The following ASIC2 variants were observed in gnomAD, a reference collection of about 807,000 sequenced individuals.
ASIC2 encodes acid-sensing ion channel 2.
ASIC2 carries 25 observed loss-of-function variants against 57.3 expected under a neutral mutation model. The observed-to-expected ratio is 0.44, with a 90% CI of 0.32 to 0.61. The LOEUF (loss-of-function observed/expected upper bound fraction) is 0.61, where lower values mean the gene tolerates loss of function less well. Among genes scored for constraint, ASIC2 ranks in the 20% least tolerant of loss-of-function variants. The pLI, the probability that ASIC2 is intolerant of heterozygous loss-of-function variation, is 0.06. For synonymous variants in ASIC2, 319 were observed against 307.5 expected (o/e 1.04, Z -0.39); for missense variants, 641 against 738.1 (o/e 0.87, Z 1.52).
At chr17:33,046,301 C>CT (rs1372114938) in intron 3 of ASIC2, among the ~76,000 whole-genome samples, 3 of 152,074 alleles carry the variant, frequency 2.0e-5, no homozygotes, top group African/African-American at 7.2e-5. Flanking sequence ...TATTTCCTTG[C>CT]TTTTTTCAAT....
chr17:34,076,766 G>A (rs956282715), intron 1 of ASIC2, among the ~76,000 whole-genome samples: 2 of 152,200 alleles, frequency 1.3e-5, no homozygotes, highest in Non-Finnish European at 2.9e-5. Context: ...ACTCCATGAG[G>A]CTCAGAGCAA....
intron 1 of ASIC2, among the ~76,000 whole-genome samples, chr17:33,537,439 G>A (rs888866184): frequency 2.0e-5 from 3 of 152,168 alleles, no homozygotes; most frequent in African/African-American, 7.2e-5. Flanking sequence ...TGTTATGCAT[G>A]TGTTCACTTG....
chr17:33,183,478 A>C (rs1906067058), intron 1 of ASIC2, among the ~76,000 whole-genome samples: 1 of 152,228 alleles, frequency 6.6e-6, no homozygotes, highest in African/African-American at 2.4e-5. Flanking sequence ...TGATGCATGA[A>C]AAGAATGCTT....
At chr17:33,434,469 A>G (rs1320242800) in intron 1 of ASIC2, among the ~76,000 whole-genome samples, 1 of 152,228 alleles carries the variant, frequency 6.6e-6, no homozygotes. Flanking sequence ...CAAAAAAGGA[A>G]ATAGCTTATA....
intron 1 of ASIC2, among the ~76,000 whole-genome samples, chr17:33,204,393 A>T (rs1906985949): frequency 6.6e-6 from 1 of 152,194 alleles, no homozygotes; most frequent in Non-Finnish European, 1.5e-5. Context: ...TCTGGGCAGG[A>T]TGAGAAGATC....
chr17:33,914,968 T>G (rs145201355), intron 1 of ASIC2, among the ~76,000 whole-genome samples: 1,606 of 152,302 alleles, frequency 0.011, 23 homozygotes, highest in African/African-American at 0.037. Context: ...TGTTTAGAAC[T>G]CTTCATATGG....
At chr17:33,722,543 G>A (rs1016605551) in intron 1 of ASIC2, among the ~76,000 whole-genome samples, 3 of 151,640 alleles carry the variant, frequency 2.0e-5, no homozygotes, top group Non-Finnish European at 2.9e-5. Flanking sequence ...AAGGTGGGAG[G>A]ACTGCTTGAA....
chr17:33,531,965 C>G (rs1915065458), intron 1 of ASIC2, among the ~76,000 whole-genome samples: 1 of 152,082 alleles, frequency 6.6e-6, no homozygotes, highest in Non-Finnish European at 1.5e-5. Flanking sequence ...GAAGGGATGC[C>G]CAAGAGGAGT....
intron 1 of ASIC2, among the ~76,000 whole-genome samples, chr17:33,159,739 G>A (rs1302153345): frequency 6.6e-6 from 1 of 152,140 alleles, no homozygotes; most frequent in Admixed American, 6.5e-5. Context: ...TAAGAGTTGT[G>A]GCTCTATAGT....
intron 1 of ASIC2, among the ~76,000 whole-genome samples, chr17:33,309,434 G>C (rs1360705813): frequency 1.3e-5 from 2 of 152,148 alleles, no homozygotes; most frequent in African/African-American, 2.4e-5. Flanking sequence ...GCCCAAGGGA[G>C]GTTCCTACAA....
intron 1 of ASIC2, among the ~76,000 whole-genome samples, chr17:33,611,392 T>C (rs1485942492): frequency 6.6e-6 from 1 of 152,224 alleles, no homozygotes; most frequent in African/African-American, 2.4e-5. Flanking sequence ...AACCCTGGGA[T>C]CCAGACCTTG....
chr17:33,993,472 A>G (rs538896169), intron 1 of ASIC2, among the ~76,000 whole-genome samples: 4 of 152,230 alleles, frequency 2.6e-5, no homozygotes, highest in Non-Finnish European at 5.9e-5. Flanking sequence ...TCTCTCTTTA[A>G]AGGACCAGCA....
At chr17:33,827,573 T>C (rs1385834828) in intron 1 of ASIC2, among the ~76,000 whole-genome samples, 3 of 150,984 alleles carry the variant, frequency 2.0e-5, no homozygotes, top group African/African-American at 7.3e-5. Flanking sequence ...CTTGATTTCC[T>C]GACCAAGTGA....
intron 1 of ASIC2, among the ~76,000 whole-genome samples, chr17:33,991,557 G>C (rs565666502): frequency 6.6e-6 from 1 of 152,288 alleles, no homozygotes; most frequent in Admixed American, 6.5e-5. Context: ...TATCACGTAG[G>C]CAGGAGGCTT....
At chr17:33,764,700 C>T (rs1457101018) in intron 1 of ASIC2, among the ~76,000 whole-genome samples, 1 of 152,108 alleles carries the variant, frequency 6.6e-6, no homozygotes, top group Non-Finnish European at 1.5e-5. Context: ...TGGATGAGTT[C>T]ATTCTTGAGG....
chr17:33,720,998 A>G (rs1489402194), intron 1 of ASIC2, among the ~76,000 whole-genome samples: 1 of 152,208 alleles, frequency 6.6e-6, no homozygotes, highest in African/African-American at 2.4e-5. Flanking sequence ...AGCAATCCAT[A>G]TAAAACTCTA....
In ASIC2 at chr17:34,048,162, G is replaced by A. The variant is rs34485470; in HGVS notation, c.555+107816C>T. ...AGGGCCACACACAGCATGTCTAACT[G>A]CCTGTGTGTTCTGAGTTCTCTCACT... On this transcript the variant is annotated intron_variant, in intron 1 of 9. Transcript: ENST00000359872. Among the ~76,000 whole-genome samples, 916 of 152,244 alleles carry A rather than the reference G, an allele frequency of 6.0e-3. 14 individuals carry two copies. Among genetic ancestry groups the A allele is most frequent in the African/African-American group, 0.021 (867 of 41,530 alleles).
At chr17:34,102,563 C>T (rs575542655) in intron 1 of ASIC2, among the ~76,000 whole-genome samples, 14 of 152,260 alleles carry the variant, frequency 9.2e-5, no homozygotes, top group Admixed American at 8.5e-4. Context: ...TAAATAGAAT[C>T]ATATGGCATA....
intron 1 of ASIC2, among the ~76,000 whole-genome samples, chr17:33,390,248 G>C (rs1207476570): frequency 6.6e-6 from 1 of 152,014 alleles, no homozygotes; most frequent in East Asian, 1.9e-4. Context: ...AGGAGCCGGA[G>C]GTTGCAGTGA....
Sources: allele counts gnomAD v4.1 joint callset (sites outside exome capture counted in the v4.1 genomes callset), GRCh38; gene constraint gnomAD v4.1.1; transcripts MANE v1.5; gene names NCBI Gene and HGNC (gene_info 2026-07-23, HGNC 2026-07-21).